ORC1: variants seen among roughly 807,000 people sequenced by gnomAD.
ORC1 encodes the protein origin recognition complex subunit 1.
In ORC1, 61 loss-of-function variants were observed where a neutral mutation model predicts 98.9. That is an observed-to-expected ratio of 0.62 (90% CI 0.50 to 0.76). ORC1 has a LOEUF of 0.76. ORC1 is among the 30% of genes least tolerant of loss of function. The probability of loss-of-function intolerance (pLI) is 0.00; values close to 1 mark genes in which losing one functional copy is unlikely to be tolerated. For missense variants in ORC1, 979 were observed against 1,072.2 expected, an observed-to-expected ratio of 0.91 and a Z score of 1.21; for synonymous variants, 385 against 406.9, an observed-to-expected ratio of 0.95 and a Z score of 0.65.
upstream of ORC1, chr1:52,405,604 C>A: frequency 7.0e-7 from 1 of 1,424,446 alleles, no homozygotes; most frequent in Non-Finnish European, 9.8e-7. Flanking sequence ...TTAGGAGAAC[C>A]AAAGCTTGAA....
chr1:52,386,076 C>T, intron 8 of ORC1, 127 bp from the exon 9 acceptor site: 2 of 744,712 alleles, frequency 2.7e-6, no homozygotes, highest in South Asian at 1.5e-5. Flanking sequence ...TTAGTTCCTT[C>T]CTGGATAAAG....
chr1:52,400,955 AC>A (rs1481848752), intron 3 of ORC1, among the ~76,000 whole-genome samples: 4 of 152,064 alleles, frequency 2.6e-5, no homozygotes, highest in Non-Finnish European at 5.9e-5. Flanking sequence ...AATCCAACTT[AC>A]CTCTTCACTT....
intron 6 of ORC1, 99 bp downstream of exon 6, chr1:52,393,344 G>C (rs779336828): frequency 1.6e-5 from 25 of 1,520,270 alleles, no homozygotes; most frequent in Non-Finnish European, 2.3e-5. Flanking sequence ...CTGTGACATA[G>C]GTTTTTCAAC....
At chr1:52,387,615 G>A (rs1453395649) in intron 8 of ORC1, among the ~76,000 whole-genome samples, 1 of 152,148 alleles carries the variant, frequency 6.6e-6, no homozygotes, top group Non-Finnish European at 1.5e-5. Flanking sequence ...CTGCCACCAT[G>A]CCTGGCTAAT....
chr1:52,387,813 G>C (rs1422830411), intron 8 of ORC1, among the ~76,000 whole-genome samples: 1 of 152,194 alleles, frequency 6.6e-6, no homozygotes, highest in Non-Finnish European at 1.5e-5. Flanking sequence ...CGGAAAAATG[G>C]ACATCAGCTT....
rs1313419907 is a variant in ORC1 at position 52,373,236 on chromosome 1, C to T, written c.2531G>A (p.Arg844Gln). Reference protein sequence around the residue: ...VEPSRNDLLLRVRLNVSQDDV... With the variant: ...VEPSRNDLLLQVRLNVSQDDV... Reference sequence around the variant, plus strand: ...ATCCTGGCTGACGTTGAGCCGCACCCGAAGGAGCAGATCGTTCCTGCTGGG... The same window carrying T: ...ATCCTGGCTGACGTTGAGCCGCACCTGAAGGAGCAGATCGTTCCTGCTGGG... The change falls in exon 17 of 17, where the codon CGG becomes CAG. Residue 844 changes from arginine to glutamine, a missense_variant. Physicochemically the swap from Arg to Gln is conservative, Grantham distance 43 (BLOSUM62 1). Transcript: ENST00000371568. 13 of 1,614,084 alleles carry T rather than the reference C, an allele frequency of 8.1e-6. No individual in the cohort carries two copies. Among genetic ancestry groups the T allele is most frequent in the South Asian group, 4.4e-5 (4 of 91,080 alleles).
At chr1:52,379,735 C>CCA (rs1282074670) in intron 14 of ORC1, among the ~76,000 whole-genome samples, 1 of 151,654 alleles carries the variant, frequency 6.6e-6, no homozygotes, top group African/African-American at 2.4e-5. Context: ...GAGATTGAGA[C>CCA]CAGCCTGGCC....
rs199920629 is a variant in ORC1 at position 52,389,277 on chromosome 1, G to C, written c.1127C>G (p.Pro376Arg). ...AGAACTCTTTCTGCGGATACGATGG[G>C]GAGTAGAGGTCGCTTCATTCTGGGC... ...AKAQNEATST[P>R]HRIRRKSSVL... Residue 376 changes from proline to arginine, a missense_variant, in exon 7 of 17, where the codon CCC (proline) becomes CGC (arginine). Physicochemically the swap from Pro to Arg is moderately radical, Grantham distance 103. Transcript: ENST00000371568. 2 of 1,614,164 alleles carry C rather than the reference G, an allele frequency of 1.2e-6. No homozygotes were observed. The highest frequency in any genetic ancestry group is 1.7e-6 in the Non-Finnish European group (2 of 1,180,024).
intron 3 of ORC1, among the ~76,000 whole-genome samples, chr1:52,399,486 T>C (rs1293108562): frequency 6.6e-6 from 1 of 151,858 alleles, no homozygotes; most frequent in Non-Finnish European, 1.5e-5. Context: ...TAGCTGGGCA[T>C]GGTGGCGGGT....
intron 8 of ORC1, 55 bp from the exon 9 acceptor site, chr1:52,386,004 G>C: frequency 8.0e-7 from 1 of 1,248,782 alleles, no homozygotes; most frequent in Non-Finnish European, 1.2e-6. Flanking sequence ...CACCATCCAG[G>C]ACACACCAGC....
At chr1:52,408,745 C>T, upstream of ORC1, 5 of 1,593,394 alleles carry the variant, frequency 3.1e-6, no homozygotes, top group Non-Finnish European at 4.3e-6. Context: ...TTTTATTTTA[C>T]CAGTACTTCT....
intron 8 of ORC1, among the ~76,000 whole-genome samples, chr1:52,387,481 A>G (rs896571542): frequency 2.0e-5 from 3 of 148,582 alleles, no homozygotes; most frequent in Non-Finnish European, 4.4e-5. Flanking sequence ...TTCTTGAGAT[A>G]GAGTCTCACT....
chr1:52,381,164 C>A (rs895848270), intron 14 of ORC1, among the ~76,000 whole-genome samples: 3 of 152,152 alleles, frequency 2.0e-5, no homozygotes, highest in Non-Finnish European at 4.4e-5. Flanking sequence ...AGAGGGGCAT[C>A]TAATACCTCA....
At chr1:52,373,862 G>C (rs1646964342) in intron 16 of ORC1, among the ~76,000 whole-genome samples, 1 of 152,110 alleles carries the variant, frequency 6.6e-6, no homozygotes, top group African/African-American at 2.4e-5. Flanking sequence ...AAAGCACAAA[G>C]GCCTAGAGAG....
chr1:52,389,263 T>G lies in ORC1; in HGVS notation c.1141A>C (p.Arg381=), dbSNP rs763004191. The G allele has an allele frequency of 3.7e-6, 6 of 1,614,232 alleles. No individual in the cohort carries two copies. The highest frequency in any genetic ancestry group is 5.1e-6 in the Non-Finnish European group (6 of 1,180,034). The change falls in exon 7 of 17, where the codon AGA becomes CGA. Residue 381 remains arginine (R), a synonymous_variant. Coordinates refer to ENST00000371568, the MANE Select transcript of ORC1 (RefSeq NM_004153.4). ...EATSTPHRIR[R]KSSVLTMNRI... ...TTCATAGTCAAGACAGAACTCTTTCTGCGGATACGATGGGGAGTAGAGGTC... is the reference window on the plus strand; with the variant it reads ...TTCATAGTCAAGACAGAACTCTTTCGGCGGATACGATGGGGAGTAGAGGTC...
intron 14 of ORC1, among the ~76,000 whole-genome samples, chr1:52,380,878 C>T (rs905012244): frequency 6.6e-6 from 1 of 152,190 alleles, no homozygotes; most frequent in African/African-American, 2.4e-5. Flanking sequence ...ACAATTGGCT[C>T]ACCTCTTACC....
chr1:52,397,825 A>G lies in ORC1; in HGVS notation c.262T>C (p.Trp88Arg), dbSNP rs1198087565. The G allele has an allele frequency of 3.1e-6, 5 of 1,614,152 alleles. No homozygotes were observed. In the South Asian group the frequency reaches 4.4e-5, roughly 14 times the overall value. Residue 88 changes from tryptophan (W) to arginine (R), a missense_variant, in exon 4 of 17, where the codon TGG becomes CGG. Trp to Arg is a moderately radical substitution (Grantham distance 101). Transcript: ENST00000371568. ...PPPKKRARVQ[W>R]FVRFCEVPAC... ...GGGACTTCACAGAATCGGACAAACC[A>G]CTGTACTCGAGCACGTTTCTTAGGA... is the stretch of plus-strand genomic sequence containing the variant.
chr1:52,398,267 AT>A (rs78607222), intron 3 of ORC1, among the ~76,000 whole-genome samples: 238 of 89,522 alleles, frequency 2.7e-3, no homozygotes, highest in Admixed American at 2.7e-3. Flanking sequence ...TCCCGCCAAA[AT>A]TTTTTTTTTT....
upstream of ORC1, chr1:52,408,874 G>GGCCTTACCCAGCCT: frequency 3.3e-6 from 2 of 603,870 alleles, no homozygotes; most frequent in South Asian, 4.8e-5. Flanking sequence ...GCTTCGTGTT[G>GGCCTTACCCAGCCT]GCCTTACCCA....
Sources: gnomAD v4.1 joint callset for allele counts (sites outside exome capture counted in the v4.1 genomes callset) on GRCh38, gnomAD v4.1.1 for gene constraint, MANE v1.5 for transcripts, NCBI Gene and HGNC (gene_info 2026-07-23, HGNC 2026-07-21) for gene names.